TEX26: variants seen among roughly 807,000 people sequenced by gnomAD.
TEX26 encodes the protein testis expressed 26.
TEX26 carries 34 observed loss-of-function variants against 35.3 expected under a neutral mutation model. That is an observed-to-expected ratio of 0.96 (90% CI 0.73 to 1.28). TEX26 has a LOEUF of 1.28. Among genes scored for constraint, TEX26 ranks in the 50% most tolerant of loss-of-function variants. The pLI is 0.00. For synonymous variants in TEX26, 136 were observed against 111.8 expected, an observed-to-expected ratio of 1.22 and a Z score of -1.36; for missense variants, 371 against 330.1, an observed-to-expected ratio of 1.12 and a Z score of -0.96.
rs1954160178 is a variant in TEX26, at chr13:30,956,978, T to A, written c.418T>A (p.Ser140Thr). The change falls in exon 4 of 7, where the codon TCA (serine) becomes ACA (threonine). Residue 140 changes from serine (S) to threonine (T), a missense_variant. Coordinates refer to ENST00000380473, the MANE Select transcript of TEX26 (RefSeq NM_152325.3). ...ASMKEVNKALSNQFISLTKRD... is the reference protein window; with the variant it reads ...ASMKEVNKALTNQFISLTKRD... ...AATGAAAGAAGTTAACAAGGCACTA[T>A]CAAATCAGTTTATTTCCCTTACTAA... 6.2e-7 allele frequency: 1 copy of A among 1,614,082 alleles called. No individual in the cohort carries two copies. The highest frequency in any genetic ancestry group is 1.1e-5 in the South Asian group (1 of 91,080).
At chr13:30,944,535 G>C (rs545750763) in intron 2 of TEX26, among the ~76,000 whole-genome samples, 1 of 151,926 alleles carries the variant, frequency 6.6e-6, no homozygotes, top group African/African-American at 2.4e-5. Context: ...ATGAAATTAG[G>C]TTGTCAATTT....
chr13:30,946,821 T>C (rs1440608578), intron 2 of TEX26, among the ~76,000 whole-genome samples: 6 of 152,082 alleles, frequency 3.9e-5, no homozygotes. Flanking sequence ...TATTGACATT[T>C]TAAAATAAAA....
At chr13:30,955,800 C>T (rs1422974590) in intron 3 of TEX26, among the ~76,000 whole-genome samples, 1 of 152,166 alleles carries the variant, frequency 6.6e-6, no homozygotes, top group East Asian at 1.9e-4. Context: ...GCAGGCGGGG[C>T]TGGGCCTTGC....
chr13:30,959,565 C>A (rs946290016), intron 4 of TEX26, among the ~76,000 whole-genome samples: 1 of 151,876 alleles, frequency 6.6e-6, no homozygotes, highest in African/African-American at 2.4e-5. Flanking sequence ...TGCTGCTGAG[C>A]CAAGTTGTAT....
intron 1 of TEX26, among the ~76,000 whole-genome samples, chr13:30,937,703 G>A (rs763116730): frequency 6.6e-6 from 1 of 152,192 alleles, no homozygotes; most frequent in Non-Finnish European, 1.5e-5. Flanking sequence ...CAGACACTAG[G>A]AGTGCATAGA....
rs183119863 is a variant in TEX26 at position 30,941,663 on chromosome 13, T to C, written c.146+1885T>C. 3.0e-4 allele frequency among the ~76,000 whole-genome samples: 46 copies of C among 152,312 alleles called. 3 individuals carry two copies. In the South Asian group the frequency reaches 6.6e-3, roughly 22 times the overall value. On this transcript the variant is annotated intron_variant, in intron 2 of 6. Coordinates refer to ENST00000380473, the MANE Select transcript of TEX26 (RefSeq NM_152325.3). ...CCACTGCCACCTCCCTCTCTGCTTC[T>C]GAGTCTCCATAGTCCATTATGTCAT...
At chr13:30,965,503 G>A (rs1253769850) in intron 4 of TEX26, among the ~76,000 whole-genome samples, 1 of 152,158 alleles carries the variant, frequency 6.6e-6, no homozygotes, top group Non-Finnish European at 1.5e-5. Context: ...TACATGATAT[G>A]CCTCTGAACT....
At chr13:30,946,622 CT>C (rs1953721169) in intron 2 of TEX26, among the ~76,000 whole-genome samples, 2 of 151,536 alleles carry the variant, frequency 1.3e-5, no homozygotes, top group African/African-American at 2.4e-5. Flanking sequence ...TTTAAAATTT[CT>C]TTTTTCCCCC....
At chr13:30,945,994 C>T (rs561405409) in intron 2 of TEX26, among the ~76,000 whole-genome samples, 55 of 151,990 alleles carry the variant, frequency 3.6e-4, no homozygotes, top group African/African-American at 1.3e-3. Flanking sequence ...ATTTGGATAT[C>T]TAAATTTCTA....
At chr13:30,963,188 A>T (rs1954411816) in intron 4 of TEX26, among the ~76,000 whole-genome samples, 1 of 152,130 alleles carries the variant, frequency 6.6e-6, no homozygotes, top group African/African-American at 2.4e-5. Context: ...GCCTTTCTGC[A>T]GATGCCATAC....
intron 3 of TEX26, among the ~76,000 whole-genome samples, chr13:30,954,313 C>T (rs1007092305): frequency 3.3e-4 from 43 of 129,378 alleles, no homozygotes; most frequent in African/African-American, 1.2e-3. Context: ...CACACACACA[C>T]ACACACATAT....
chr13:30,974,131 A>ATATATATATATATATATAT (rs1555271792), intron 6 of TEX26, among the ~76,000 whole-genome samples: 5 of 84,416 alleles, frequency 5.9e-5, no homozygotes, highest in African/African-American at 2.4e-4. Context: ...AAAAAAAAAA[A>ATATATATATATATATATAT]ATATATATAT....
chr13:30,955,806 C>A (rs1022895046), intron 3 of TEX26, among the ~76,000 whole-genome samples: 1 of 152,120 alleles, frequency 6.6e-6, no homozygotes, highest in Non-Finnish European at 1.5e-5. Flanking sequence ...GGGGCTGGGC[C>A]TTGCTGAGGG....
At chr13:30,955,292 G>A (rs928143319) in intron 3 of TEX26, among the ~76,000 whole-genome samples, 1 of 152,224 alleles carries the variant, frequency 6.6e-6, no homozygotes. Context: ...TTGACTTCTA[G>A]TTTAGTGAAT....
intron 4 of TEX26, among the ~76,000 whole-genome samples, chr13:30,962,995 T>C (rs571982783): frequency 6.6e-6 from 1 of 151,650 alleles, no homozygotes; most frequent in African/African-American, 2.4e-5. Context: ...GCTAATTTTT[T>C]TTTTTTGTAT....
At chr13:30,964,212 C>A (rs113293409) in intron 4 of TEX26, among the ~76,000 whole-genome samples, 1 of 152,262 alleles carries the variant, frequency 6.6e-6, no homozygotes, top group Admixed American at 6.5e-5. Flanking sequence ...AGCACATGGG[C>A]GGTTTGTTTT....
At chr13:30,936,501 A>G (rs1424880640) in intron 1 of TEX26, among the ~76,000 whole-genome samples, 1 of 152,212 alleles carries the variant, frequency 6.6e-6, no homozygotes, top group Admixed American at 6.5e-5. Context: ...GATGCCACCT[A>G]TGCTATGATG....
intron 6 of TEX26, among the ~76,000 whole-genome samples, chr13:30,971,733 T>C (rs1201281207): frequency 6.6e-6 from 1 of 152,250 alleles, no homozygotes; most frequent in East Asian, 1.9e-4. Flanking sequence ...CAAATTGTTT[T>C]AATCTCTGAG....
intron 2 of TEX26, among the ~76,000 whole-genome samples, chr13:30,943,300 C>T (rs1953581940): frequency 6.6e-6 from 1 of 151,994 alleles, no homozygotes; most frequent in Non-Finnish European, 1.5e-5. Flanking sequence ...TCAGCTTGGT[C>T]ATTGTTGTAT....
Sources: gnomAD v4.1 joint callset for allele counts (sites outside exome capture counted in the v4.1 genomes callset) on GRCh38, gnomAD v4.1.1 for gene constraint, MANE v1.5 for transcripts, NCBI Gene and HGNC (gene_info 2026-07-23, HGNC 2026-07-21) for gene names.